Variants in SDK1 observed in about 807,000 individuals in gnomAD.
SDK1 encodes the protein protein sidekick-1.
Under a neutral mutation model 245.5 loss-of-function variants are expected in SDK1, and 157 were observed. The observed-to-expected ratio is 0.64, with a 90% CI of 0.56 to 0.73. The LOEUF (loss-of-function observed/expected upper bound fraction) is 0.73. Among genes scored for constraint, SDK1 ranks in the 30% least tolerant of loss-of-function variants. The probability of loss-of-function intolerance (pLI) is 0.00; values close to 1 mark genes in which losing one functional copy is unlikely to be tolerated. For missense variants in SDK1, 3,583 were observed against 3,002.3 expected (o/e 1.19, Z -4.52); for synonymous variants, 1,647 against 1,278.5 (o/e 1.29, Z -6.15).
intron 14 of SDK1, among the ~76,000 whole-genome samples, chr7:3,988,811 G>A (rs1233333093): frequency 5.9e-5 from 9 of 152,122 alleles, no homozygotes; most frequent in South Asian, 4.1e-4. Context: ...TTGCTCTGTC[G>A]CCCAGGCTGG....
At chr7:3,985,733 A>T (rs78257375) in intron 13 of SDK1, among the ~76,000 whole-genome samples, 2 of 152,348 alleles carry the variant, frequency 1.3e-5, no homozygotes, top group East Asian at 3.9e-4. Context: ...TCTTTATCGC[A>T]CTAATGTACA....
At chr7:3,377,748 C>G (rs1781390271) in intron 1 of SDK1, among the ~76,000 whole-genome samples, 1 of 151,966 alleles carries the variant, frequency 6.6e-6, no homozygotes, top group South Asian at 2.1e-4. Context: ...CCACGCTGTT[C>G]CAAACTATAT....
intron 4 of SDK1, among the ~76,000 whole-genome samples, chr7:3,807,034 C>T (rs1160939261): frequency 2.6e-5 from 4 of 152,038 alleles, no homozygotes; most frequent in African/African-American, 9.7e-5. Context: ...CTGAAGTTGT[C>T]ATCTTATTTT....
intron 19 of SDK1, among the ~76,000 whole-genome samples, chr7:4,066,707 G>T (rs570491414): frequency 8.5e-5 from 13 of 152,182 alleles, no homozygotes; most frequent in Non-Finnish European, 1.6e-4. Flanking sequence ...ACACTAAAAG[G>T]CTCTAAACCT....
At chr7:3,327,350 A>G (rs1779963212) in intron 1 of SDK1, among the ~76,000 whole-genome samples, 1 of 152,126 alleles carries the variant, frequency 6.6e-6, no homozygotes, top group Admixed American at 6.5e-5. Flanking sequence ...AGAAGCTGCT[A>G]ATTAAGTAGC....
chr7:3,958,297 C>T (rs1781420416), intron 7 of SDK1: 2 of 281,184 alleles, frequency 7.1e-6, no homozygotes, highest in Non-Finnish European at 1.4e-5. Flanking sequence ...ATTGGCTCTC[C>T]AAGGAAATTC....
intron 44 of SDK1, among the ~76,000 whole-genome samples, chr7:4,253,810 T>G (rs545001097): frequency 1.1e-3 from 174 of 152,334 alleles, no homozygotes; most frequent in Admixed American, 3.1e-3. Flanking sequence ...TAGGTGCATG[T>G]GTGTTTATAG....
chr7:3,433,874 T>C (rs1779939477), intron 1 of SDK1, among the ~76,000 whole-genome samples: 1 of 152,214 alleles, frequency 6.6e-6, no homozygotes, highest in African/African-American at 2.4e-5. Context: ...AATATGTGTT[T>C]TAGACACAGT....
chr7:4,083,348 C>G (rs538562435), intron 22 of SDK1, among the ~76,000 whole-genome samples: 1 of 152,054 alleles, frequency 6.6e-6, no homozygotes, highest in Non-Finnish European at 1.5e-5. Context: ...GAATCCCCCA[C>G]TCTTTTCCCC....
At chr7:4,168,735 C>T (rs1007328629) in intron 32 of SDK1, among the ~76,000 whole-genome samples, 2 of 152,304 alleles carry the variant, frequency 1.3e-5, no homozygotes, top group East Asian at 1.9e-4. Flanking sequence ...TATTCTGGGG[C>T]GAGAGGGAGG....
rs534919306 is a variant in SDK1 at position 3,894,898 on chromosome 7, G to C, written c.848-56025G>C. The stretch of plus-strand genomic sequence containing the variant: ...AGTAGAGAAGGGGTTTCACCATGTC[G>C]GCCAACTCCTGACCTCAGGTGATCT... On this transcript the variant is annotated intron_variant, in intron 5 of 44. Transcript: ENST00000404826. Among the ~76,000 whole-genome samples, 48 of 151,690 alleles carry C rather than the reference G, an allele frequency of 3.2e-4. 2 individuals are homozygous for C. Among genetic ancestry groups the C allele is most frequent in the Admixed American group, 2.2e-3 (34 of 15,252 alleles).
In SDK1 at chr7:3,584,363, A is replaced by G. The variant is rs936135485; in HGVS notation, c.299-34717A>G. ...CCTGTCTAGTTTCACGTGAAACCCC[A>G]TCCCTTCAAGCCCCACATGACCCTT... On this transcript the variant is annotated intron_variant, in intron 1 of 44. Transcript: ENST00000404826. 9.9e-5 allele frequency among the ~76,000 whole-genome samples: 15 copies of G among 152,064 alleles called. 1 individual carries two copies. The highest frequency in any genetic ancestry group is 7.2e-4 in the Admixed American group (11 of 15,268).
intron 5 of SDK1, among the ~76,000 whole-genome samples, chr7:3,875,055 A>C (rs577815028): frequency 6.6e-6 from 1 of 152,294 alleles, no homozygotes; most frequent in South Asian, 2.1e-4. Flanking sequence ...TCACTAGCCC[A>C]TACTTGGCCT....
At chr7:3,556,890 C>CATACCCATACCCATA (rs1779604495) in intron 1 of SDK1, among the ~76,000 whole-genome samples, 1 of 152,036 alleles carries the variant, frequency 6.6e-6, no homozygotes, top group Admixed American at 6.6e-5. Context: ...TACCCATACC[C>CATACCCATACCCATA]CGTTTACCCT....
intron 4 of SDK1, among the ~76,000 whole-genome samples, chr7:3,751,025 G>C (rs897493690): frequency 2.0e-5 from 3 of 152,080 alleles, no homozygotes; most frequent in African/African-American, 7.2e-5. Context: ...GAGTGGGCCT[G>C]CCCCCCACCA....
At chr7:3,833,412 G>T (rs1249189133) in intron 5 of SDK1, among the ~76,000 whole-genome samples, 1 of 152,198 alleles carries the variant, frequency 6.6e-6, no homozygotes, top group Admixed American at 6.5e-5. Context: ...AGACAGGGTT[G>T]AATTTCACAA....
At chr7:3,861,774 A>G (rs539305997) in intron 5 of SDK1, among the ~76,000 whole-genome samples, 5 of 152,288 alleles carry the variant, frequency 3.3e-5, no homozygotes, top group African/African-American at 1.2e-4. Context: ...TTGTGGACTA[A>G]TTTTACCCTC....
At chr7:3,588,035 A>G (rs1247345850) in intron 1 of SDK1, among the ~76,000 whole-genome samples, 1 of 152,228 alleles carries the variant, frequency 6.6e-6, no homozygotes. Flanking sequence ...ATCTTATTTC[A>G]AATGTAGTAG....
intron 38 of SDK1, among the ~76,000 whole-genome samples, chr7:4,210,521 G>A (rs1784458705): frequency 6.6e-6 from 1 of 152,000 alleles, no homozygotes; most frequent in Non-Finnish European, 1.5e-5. Context: ...CGCCGACAGA[G>A]ACCACCCAGG....
Sources: allele counts gnomAD v4.1 joint callset (sites outside exome capture counted in the v4.1 genomes callset), GRCh38; gene constraint gnomAD v4.1.1; transcripts MANE v1.5; gene names NCBI Gene and HGNC (gene_info 2026-07-23, HGNC 2026-07-21).